The following SLC35F3 variants were observed in gnomAD, a reference collection of about 807,000 sequenced individuals.
The protein encoded by SLC35F3 is putative thiamine transporter SLC35F3.
In SLC35F3, 25 loss-of-function variants were observed where a neutral mutation model predicts 49.9. The observed-to-expected ratio is 0.50, with a 90% confidence interval of 0.37 to 0.70. The LOEUF is 0.70. SLC35F3 is among the 30% of genes least tolerant of loss of function. The pLI, the probability that SLC35F3 is intolerant of heterozygous loss-of-function variation, is 0.00. For synonymous variants in SLC35F3, 275 were observed against 265.4 expected (o/e 1.04, Z -0.35); for missense variants, 525 against 639.8 (o/e 0.82, Z 1.94).
intron 2 of SLC35F3, among the ~76,000 whole-genome samples, chr1:234,209,257 ATGTGAGATTTGAGTTTT>A (rs1667017334): frequency 2.0e-5 from 3 of 151,868 alleles, no homozygotes; most frequent in East Asian, 1.9e-4. Flanking sequence ...TTTTTTTGGA[ATGTGAGATTTGAGTTTT>A]TGTGAGATTT....
In SLC35F3 at chr1:234,180,161, G is replaced by C. The variant is rs891393468; in HGVS notation, c.284-51256G>C. Among the ~76,000 whole-genome samples, 4 of 152,194 alleles carry C rather than the reference G, an allele frequency of 2.6e-5. No homozygotes were observed. In the East Asian group the frequency reaches 7.7e-4, roughly 29 times the overall value. On this transcript the variant is annotated intron_variant, in intron 2 of 7. Transcript: ENST00000366618. ...GTTCTGGTGGTTTGTTGGTTCTACA[G>C]GTGAGCCTCAGGTGGTCATCTCCCC...
intron 2 of SLC35F3, among the ~76,000 whole-genome samples, chr1:234,103,416 C>T (rs114181559): frequency 0.026 from 3,924 of 152,188 alleles, 73 homozygotes; most frequent in Non-Finnish European, 0.04. Flanking sequence ...GTGAGGTGGC[C>T]GAGTCCACAG....
At chr1:234,080,837 G>T (rs1009338920) in intron 2 of SLC35F3, among the ~76,000 whole-genome samples, 4 of 152,150 alleles carry the variant, frequency 2.6e-5, no homozygotes, top group African/African-American at 9.7e-5. Context: ...TAAGATAGTG[G>T]TGATGAGTAT....
intron 2 of SLC35F3, among the ~76,000 whole-genome samples, chr1:234,123,519 C>T (rs1057393858): frequency 6.6e-6 from 1 of 152,158 alleles, no homozygotes; most frequent in African/African-American, 2.4e-5. Flanking sequence ...AAGTGATCCT[C>T]CCACTTCAGT....
intron 2 of SLC35F3, among the ~76,000 whole-genome samples, chr1:234,184,142 A>AAC: frequency 6.6e-6 from 1 of 152,006 alleles, no homozygotes; most frequent in African/African-American, 2.4e-5. Context: ...TTTTTTTAAA[A>AAC]AAAAAAAACA....
chr1:234,116,428 A>T (rs991425627), intron 2 of SLC35F3, among the ~76,000 whole-genome samples: 3 of 152,110 alleles, frequency 2.0e-5, no homozygotes, highest in Non-Finnish European at 2.9e-5. Flanking sequence ...TGTTATTATC[A>T]TTATTTATTT....
intron 3 of SLC35F3, among the ~76,000 whole-genome samples, chr1:234,232,087 G>A (rs1667388177): frequency 6.6e-6 from 1 of 152,154 alleles, no homozygotes; most frequent in African/African-American, 2.4e-5. Context: ...TTGGGGTGAG[G>A]ACCGCAAGGC....
chr1:234,118,315 C>G (rs192206471), intron 2 of SLC35F3, among the ~76,000 whole-genome samples: 2 of 152,206 alleles, frequency 1.3e-5, no homozygotes, highest in African/African-American at 4.8e-5. Context: ...GGACTGGAAA[C>G]AAGCATTTTG....
chr1:234,238,986 C>T lies in SLC35F3; in HGVS notation c.608+7245C>T, dbSNP rs907382735. 6.6e-5 allele frequency among the ~76,000 whole-genome samples: 10 copies of T among 152,138 alleles called. No individual in the cohort carries two copies. In the East Asian group the frequency reaches 7.7e-4, roughly 12 times the overall value. ...AAATTCTTTGAAAGGTCAGTGCCAACGCTCATGTTTGTGTTTAAGGTGCGG... is the reference window on the plus strand; with the variant it reads ...AAATTCTTTGAAAGGTCAGTGCCAATGCTCATGTTTGTGTTTAAGGTGCGG... On this transcript the variant is annotated intron_variant, in intron 3 of 7. Coordinates refer to ENST00000366618, the MANE Select transcript of SLC35F3 (RefSeq NM_173508.4).
intron 2 of SLC35F3, among the ~76,000 whole-genome samples, chr1:234,131,191 G>T (rs1031583116): frequency 6.6e-6 from 1 of 152,078 alleles, no homozygotes; most frequent in African/African-American, 2.4e-5. Flanking sequence ...TATTTTTGCC[G>T]TGTATGCTTA....
chr1:234,225,701 A>G (rs1667275537), intron 2 of SLC35F3, among the ~76,000 whole-genome samples: 1 of 152,240 alleles, frequency 6.6e-6, no homozygotes, highest in African/African-American at 2.4e-5. Context: ...AGAGAAATAA[A>G]TATATATCCA....
intron 2 of SLC35F3, among the ~76,000 whole-genome samples, chr1:234,085,393 T>C (rs895038004): frequency 6.6e-6 from 1 of 152,154 alleles, no homozygotes; most frequent in Non-Finnish European, 1.5e-5. Flanking sequence ...CCTTCAAAAA[T>C]TGGTTTTTGT....
At chr1:233,933,923 G>A (rs1662285413) in intron 2 of SLC35F3, among the ~76,000 whole-genome samples, 1 of 152,096 alleles carries the variant, frequency 6.6e-6, no homozygotes, top group African/African-American at 2.4e-5. Context: ...TGCAGAGGAG[G>A]GACTCTTACT....
chr1:234,167,932 C>A (rs936248809), intron 2 of SLC35F3, among the ~76,000 whole-genome samples: 4 of 152,194 alleles, frequency 2.6e-5, no homozygotes, highest in East Asian at 1.9e-4. Flanking sequence ...GATTGTGAAT[C>A]TTTTTCTTTG....
At chr1:234,091,841 A>T (rs544097180) in intron 2 of SLC35F3, among the ~76,000 whole-genome samples, 137 of 152,308 alleles carry the variant, frequency 9.0e-4, no homozygotes, top group African/African-American at 3.1e-3. Flanking sequence ...AGCCGTATTT[A>T]GTTAAGTCTG....
intron 2 of SLC35F3, among the ~76,000 whole-genome samples, chr1:234,031,834 C>A (rs1377358843): frequency 6.6e-6 from 1 of 152,228 alleles, no homozygotes; most frequent in African/African-American, 2.4e-5. Context: ...CTCCTAGACC[C>A]ACCTTGGACA....
chr1:233,959,196 A>C (rs1277876710), intron 2 of SLC35F3, among the ~76,000 whole-genome samples: 1 of 152,138 alleles, frequency 6.6e-6, no homozygotes. Flanking sequence ...TCACGTATAA[A>C]GTAGCGTACA....
At position 234,323,175 on chromosome 1, in the gene SLC35F3, G is replaced by C; in HGVS notation, c.1405G>C (p.Gly469Arg). ...GAGGAAGAAGGAGGAGCCTGCAGAGGGCGCTGCCGACCTGAGCTCAGGACC... is the reference window on the plus strand; with the variant it reads ...GAGGAAGAAGGAGGAGCCTGCAGAGCGCGCTGCCGACCTGAGCTCAGGACC... ...KVRKKEEPAE[G>R]AADLSSGPQS... is the part of the protein sequence containing the mutation. Residue 469 changes from glycine (G) to arginine (R), a missense_variant, in exon 8 of 8, where the codon GGC (glycine) becomes CGC (arginine). By Grantham distance (125) the Gly-to-Arg change is moderately radical. Transcript: ENST00000366618. This position sits in a 1 kb window ranked among gnomAD's most constrained non-coding sequence, Gnocchi z 4.5. 1 of 1,614,116 alleles carries C rather than the reference G, an allele frequency of 6.2e-7. No homozygotes were observed. The highest frequency in any genetic ancestry group is 8.5e-7 in the Non-Finnish European group (1 of 1,180,016).
intron 2 of SLC35F3, among the ~76,000 whole-genome samples, chr1:234,200,219 G>C (rs1666881382): frequency 6.6e-6 from 1 of 152,192 alleles, no homozygotes; most frequent in African/African-American, 2.4e-5. Context: ...GCATTTCTCT[G>C]ATGGCTAATG....
Sources: allele counts gnomAD v4.1 joint callset (sites outside exome capture counted in the v4.1 genomes callset), GRCh38; gene constraint gnomAD v4.1.1; non-coding constraint Gnocchi (gnomAD v3.1); transcripts MANE v1.5; gene names NCBI Gene and HGNC (gene_info 2026-07-23, HGNC 2026-07-21).